ANAPC5: variants seen among roughly 807,000 people sequenced by gnomAD.
ANAPC5 encodes the protein anaphase promoting complex subunit 5.
In ANAPC5, 60 loss-of-function variants were observed where a neutral mutation model predicts 91.3. That is an observed-to-expected ratio of 0.66 (90% CI 0.53 to 0.81). The LOEUF is 0.81. Ranked by LOEUF, ANAPC5 falls within the 40% of genes least tolerant of loss-of-function variation. The probability of loss-of-function intolerance (pLI) is 0.00; values close to 1 mark genes in which losing one functional copy is unlikely to be tolerated. For synonymous variants in ANAPC5, 340 were observed against 364.1 expected (o/e 0.93, Z 0.75); for missense variants, 690 against 931.5 (o/e 0.74, Z 3.37).
At chr12:121,325,163 C>A (rs2136777238) in intron 11 of ANAPC5, among the ~76,000 whole-genome samples, 1 of 151,906 alleles carries the variant, frequency 6.6e-6, no homozygotes, top group East Asian at 1.9e-4. Flanking sequence ...GACCCTGTCT[C>A]AAAAAAAATT....
chr12:121,338,004 A>C (rs1159868546), intron 5 of ANAPC5, among the ~76,000 whole-genome samples: 1 of 152,176 alleles, frequency 6.6e-6, no homozygotes, highest in Non-Finnish European at 1.5e-5. Flanking sequence ...GTTAGCTACA[A>C]ATTAAATGTT....
intron 9 of ANAPC5, among the ~76,000 whole-genome samples, chr12:121,329,684 C>T (rs182176815): frequency 3.3e-5 from 5 of 150,902 alleles, no homozygotes; most frequent in South Asian, 4.2e-4. Context: ...GGCACAATCT[C>T]GGCTCACTGC....
chr12:121,319,844 A>C (rs1401474759), intron 12 of ANAPC5, 26 bp from the exon 13 acceptor site: 2 of 1,582,978 alleles, frequency 1.3e-6, no homozygotes, highest in African/African-American at 1.4e-5. Context: ...AACACAATTA[A>C]GTACAAAATG....
In ANAPC5 at chr12:121,330,940, T is replaced by C. The variant is rs1903019993; in HGVS notation, c.1033-268A>G. ...AGAAAAAAAGCATGAAGCTCCCATA[T>C]GGCCTTCAATTGAGAAATAAGATTC... On this transcript the variant is annotated intron_variant, in intron 8 of 16. Coordinates refer to ENST00000261819, the MANE Select transcript of ANAPC5 (RefSeq NM_016237.5). 1.1e-5 allele frequency: 5 copies of C among 439,844 alleles called. No individual in the cohort carries two copies. In the East Asian group the frequency reaches 1.7e-4, roughly 15 times the overall value. The allele number at this position is 439,844 out of a possible 1,614,324, so 27.2% of individuals were successfully genotyped here. A position where few individuals can be genotyped will look rare whatever the true frequency, so the allele number is the denominator to read the frequency against.
chr12:121,310,933 C>CAAAAAAAA (rs35742192), intron 15 of ANAPC5, among the ~76,000 whole-genome samples: 4 of 61,116 alleles, frequency 6.5e-5, no homozygotes, highest in African/African-American at 2.1e-4. Flanking sequence ...GACTCCATCT[C>CAAAAAAAA]AAAAAAAAAA....
intron 13 of ANAPC5, among the ~76,000 whole-genome samples, chr12:121,319,108 TACACAAACACACAC>T (rs1472474172): frequency 4.3e-5 from 5 of 115,916 alleles, no homozygotes; most frequent in African/African-American, 1.8e-4. Flanking sequence ...ATGCTGTGTA[TACACAAACACACAC>T]ACACACACAC....
At position 121,343,037 on chromosome 12, in the gene ANAPC5, C is replaced by T. The variant is rs374524956; in HGVS notation, c.591-968G>A. On this transcript the variant is annotated intron_variant, in intron 4 of 16. Transcript: ENST00000261819. ...AAAGAATACATTTCTTCAATTTTCA[C>T]GATGAAATTCAGTTTACTAAATATG... Among the ~76,000 whole-genome samples the T allele has an allele frequency of 2.1e-4, 32 of 152,130 alleles. No homozygotes were observed. The East Asian group carries it at 5.2e-3, about 25-fold the overall frequency.
intron 4 of ANAPC5, among the ~76,000 whole-genome samples, chr12:121,345,415 C>T (rs1409895213): frequency 6.6e-6 from 1 of 152,094 alleles, no homozygotes; most frequent in Non-Finnish European, 1.5e-5. Flanking sequence ...GGGGAAAGGA[C>T]AGAGAAGTCA....
intron 4 of ANAPC5, among the ~76,000 whole-genome samples, chr12:121,344,215 A>G (rs140788777): frequency 7.4e-4 from 112 of 152,354 alleles, no homozygotes; most frequent in African/African-American, 2.7e-3. Flanking sequence ...CAGGGGAAAC[A>G]GATAAGCAAG....
At chr12:121,329,296 G>A (rs1250637500) in intron 9 of ANAPC5, 2 of 152,102 alleles carry the variant, frequency 1.3e-5, no homozygotes, top group African/African-American at 4.8e-5. Flanking sequence ...TGGGACTACA[G>A]GCGCCCACCA....
At chr12:121,322,112 CCTCGGT>C (rs774821961) in intron 11 of ANAPC5, among the ~76,000 whole-genome samples, 6 of 151,444 alleles carry the variant, frequency 4.0e-5, no homozygotes, top group Non-Finnish European at 8.8e-5. Flanking sequence ...GATCCGCCTG[CCTCGGT>C]CTCCCAAAGT....
intron 2 of ANAPC5, 73 bp from the exon 3 acceptor site, chr12:121,347,078 T>C (rs1332638678): frequency 1.2e-6 from 1 of 855,438 alleles, no homozygotes; most frequent in Non-Finnish European, 1.8e-6. Context: ...TATTCCTCAA[T>C]TACCTCAAAT....
intron 4 of ANAPC5, among the ~76,000 whole-genome samples, chr12:121,344,724 C>A (rs1903598207): frequency 6.6e-6 from 1 of 152,102 alleles, no homozygotes. Context: ...GAAGAGCATT[C>A]TAGGCAACCT....
intron 5 of ANAPC5, among the ~76,000 whole-genome samples, chr12:121,341,036 A>G (rs1555274036): frequency 1.3e-5 from 2 of 151,956 alleles, no homozygotes; most frequent in Non-Finnish European, 1.5e-5. Flanking sequence ...AAGCATCCAT[A>G]AGAAATGTTT....
chr12:121,314,943 T>A (rs1902298006), intron 15 of ANAPC5, among the ~76,000 whole-genome samples: 1 of 152,100 alleles, frequency 6.6e-6, no homozygotes, highest in Non-Finnish European at 1.5e-5. Flanking sequence ...TTTTGTCACA[T>A]TTATTCAACA....
chr12:121,335,843 T>G lies in ANAPC5; in HGVS notation c.760-120A>C, dbSNP rs1221762507. 5.0e-6 allele frequency: 4 copies of G among 801,052 alleles called. No homozygotes were observed. The African/African-American group carries it at 5.3e-5, about 11-fold the overall frequency. The allele number at this position is 801,052 out of a possible 1,614,324, so 49.6% of individuals were successfully genotyped here. A position where few individuals can be genotyped will look rare whatever the true frequency, so the allele number is the denominator to read the frequency against. On this transcript the variant is annotated intron_variant, in intron 6 of 16. Transcript: ENST00000261819. The stretch of plus-strand genomic sequence containing the variant: ...ATCCCATACCCTTCTAATAAGATGG[T>G]CATAGTTTAGCTTAATCTTCTCCCT...
At chr12:121,330,197 G>A (rs1157536823) in intron 9 of ANAPC5, among the ~76,000 whole-genome samples, 3 of 152,062 alleles carry the variant, frequency 2.0e-5, no homozygotes, top group Admixed American at 1.3e-4. Flanking sequence ...CACTCAGCCT[G>A]AAGCCCCTAA....
chr12:121,326,597 A>C (rs1344953059), intron 11 of ANAPC5: 1 of 152,234 alleles, frequency 6.6e-6, no homozygotes, highest in Non-Finnish European at 1.5e-5. Flanking sequence ...TGACATTTAC[A>C]GGTGTTGGAT....
chr12:121,345,534 C>T (rs1441346173), intron 4 of ANAPC5, among the ~76,000 whole-genome samples: 1 of 152,078 alleles, frequency 6.6e-6, no homozygotes, highest in African/African-American at 2.4e-5. Context: ...GCAGAAAGAG[C>T]GACCTGACAG....
Sources: gnomAD v4.1 joint callset for allele counts (sites outside exome capture counted in the v4.1 genomes callset) on GRCh38, gnomAD v4.1.1 for gene constraint, MANE v1.5 for transcripts, NCBI Gene and HGNC (gene_info 2026-07-23, HGNC 2026-07-21) for gene names.